The following POLE variants were observed in gnomAD, a reference collection of about 807,000 sequenced individuals.
POLE encodes DNA polymerase epsilon catalytic subunit A.
Under a neutral mutation model 279.2 loss-of-function variants are expected in POLE, and 188 were observed. That is an observed-to-expected ratio of 0.67 (90% CI 0.60 to 0.76). POLE has a LOEUF of 0.76. POLE is among the 30% of genes least tolerant of loss of function. The pLI, the probability that POLE is intolerant of heterozygous loss-of-function variation, is 0.00. For missense variants in POLE, 2,703 were observed against 3,016.7 expected, an observed-to-expected ratio of 0.90 and a Z score of 2.44; for synonymous variants, 1,214 against 1,172.5, an observed-to-expected ratio of 1.04 and a Z score of -0.72.
In POLE at chr12:132,661,446, G is replaced by A. The variant is rs2042678691; in HGVS notation, c.2864+81C>T. 3 of 1,480,596 alleles carry A rather than the reference G, an allele frequency of 2.0e-6. No homozygotes were observed. The East Asian group carries it at 6.8e-5, about 34-fold the overall frequency. 91.7% of individuals were successfully genotyped at this position (1,480,596 alleles called of 1,614,324 possible). On this transcript the variant is annotated intron_variant, in intron 24 of 48. Transcript: ENST00000320574. This position sits in a 1 kb window ranked among gnomAD's most constrained non-coding sequence, Gnocchi z 4.1. ...CAGGTCTGTTTCTATCCTGGCTCCTGATCCAACCTCCTTTCTGGGCTAAAT... is the reference window on the plus strand; with the variant it reads ...CAGGTCTGTTTCTATCCTGGCTCCTAATCCAACCTCCTTTCTGGGCTAAAT...
intron 1 of POLE, among the ~76,000 whole-genome samples, chr12:132,685,671 G>C (rs1007116674): frequency 1.8e-4 from 28 of 152,198 alleles, no homozygotes; most frequent in Non-Finnish European, 3.4e-4. Context: ...CCTGAAGCAG[G>C]GCAGTCAGTA....
chr12:132,680,415 C>T (rs535491332), intron 3 of POLE, 192 bp downstream of exon 3: 2 of 666,220 alleles, frequency 3.0e-6, no homozygotes, highest in South Asian at 3.6e-5. Flanking sequence ...TACTTCTCAC[C>T]ATTCAGAGTC....
chr12:132,674,383 C>T (rs1386450839), intron 12 of POLE, among the ~76,000 whole-genome samples: 2 of 151,744 alleles, frequency 1.3e-5, no homozygotes, highest in African/African-American at 4.9e-5. Flanking sequence ...CCAAGACCCA[C>T]CCGCAACCCA....
intron 21 of POLE, 34 bp downstream of exon 21, chr12:132,665,268 C>T (rs1165455311): frequency 6.2e-7 from 1 of 1,605,524 alleles, no homozygotes; most frequent in African/African-American, 1.3e-5. Flanking sequence ...ATCCATTCCT[C>T]CCATAAGCCT....
chr12:132,634,289 C>T lies in POLE; in HGVS notation c.5901G>A (p.Ala1967=), dbSNP rs200474862. 4.5e-5 allele frequency: 72 copies of T among 1,614,202 alleles called. No homozygotes were observed. Among genetic ancestry groups the T allele is most frequent in the South Asian group, 2.0e-4 (18 of 91,090 alleles). The part of the protein sequence containing the change: ...EERDGEEEEE[A]EESNVEDLLE... ...GTAAATCCTCCACGTTGGATTCCTC[C>T]GCCTCTTCCTCCTCCTCCCCATCTC... Residue 1967 remains alanine (A), a synonymous_variant, in exon 43 of 49, where the codon GCG becomes GCA. Coordinates refer to ENST00000320574, the MANE Select transcript of POLE (RefSeq NM_006231.4). The surrounding 1 kb of genome is among the most constrained non-coding windows in gnomAD (Gnocchi z 4.0).
chr12:132,661,646 C>T lies in POLE; in HGVS notation c.2745G>A (p.Glu915=), dbSNP rs1344300692. The T allele has an allele frequency of 6.2e-7, 1 of 1,614,172 alleles. No homozygotes were observed. Among genetic ancestry groups the T allele is most frequent in the Non-Finnish European group, 8.5e-7 (1 of 1,180,028 alleles). Residue 915 remains glutamate (E), a synonymous_variant, in exon 24 of 49, where the codon GAG becomes GAA. Transcript: ENST00000320574. The surrounding 1 kb of genome is among the most constrained non-coding windows in gnomAD (Gnocchi z 4.1). ...GGGTGACGTAGGTGAGTGAGGACGG[C>T]TCAGCCAGCTCCTGGTACTGGTCAT... ...FTNDQYQELA[E]PSSLTYVTRS... is the part of the protein sequence containing the mutation.
intron 8 of POLE, 102 bp from the exon 9 acceptor site, chr12:132,676,755 G>A (rs1043011535): frequency 4.1e-6 from 3 of 733,210 alleles, no homozygotes; most frequent in Admixed American, 4.3e-5. Context: ...GTTGTTAAAA[G>A]AGTCAAAAGG....
chr12:132,674,202 G>A (rs548290506), intron 12 of POLE, among the ~76,000 whole-genome samples: 1,749 of 106,036 alleles, frequency 0.016, 36 homozygotes, highest in African/African-American at 0.075. Context: ...AAGAAAAGAA[G>A]GCCCCCCACA....
chr12:132,642,143 A>G, intron 38 of POLE, 34 bp downstream of exon 38: 1 of 1,469,640 alleles, frequency 6.8e-7, no homozygotes, highest in South Asian at 1.3e-5. Flanking sequence ...AACACCAGCC[A>G]GGTCTCATGG....
intron 29 of POLE, chr12:132,650,951 C>T (rs1233821826): frequency 6.9e-6 from 1 of 145,664 alleles, no homozygotes; most frequent in Non-Finnish European, 1.5e-5. Flanking sequence ...TCTCATCTCA[C>T]TGCAACCTCG....
intron 26 of POLE, chr12:132,658,334 G>A (rs1319707787): frequency 4.5e-5 from 10 of 221,480 alleles, no homozygotes; most frequent in African/African-American, 2.1e-4. Context: ...ATGTCTACAT[G>A]TTTCTCACGG....
chr12:132,687,310 A>G lies in POLE; in HGVS notation c.6T>C (p.Ser2=), dbSNP rs2136052380. Residue 2 remains serine, a synonymous_variant, in exon 1 of 49, where the codon TCT becomes TCC. Coordinates refer to ENST00000320574, the MANE Select transcript of POLE (RefSeq NM_006231.4). M[S]LRSGGRRRAD... ...CGCGCCGCCGCCCGCCGCTCCTCAG[A>G]GACATGGAGCCGTTGGCTACCACCT... The G allele has an allele frequency of 2.7e-6, 4 of 1,503,018 alleles. No homozygotes were observed. Among genetic ancestry groups the G allele is most frequent in the Non-Finnish European group, 2.7e-6 (3 of 1,125,890 alleles). 93.1% of individuals were successfully genotyped at this position (1,503,018 alleles called of 1,614,324 possible). A position where few individuals can be genotyped will look rare whatever the true frequency, so the allele number is the denominator to read the frequency against.
chr12:132,665,423 C>T lies in POLE; in HGVS notation c.2347G>A (p.Val783Met), dbSNP rs371085002. ...KVWKKKLSAA[V>M]EVGDAAEVKR... ...ACCTCAGCCGCGTCGCCCACCTCCA[C>T]GGCCGCCGAGAGCTTCTTTTTCCAC... The change falls in exon 21 of 49, where the codon GTG becomes ATG. Residue 783 changes from valine (V) to methionine (M), a missense_variant. Val to Met is a conservative substitution (Grantham distance 21). Transcript: ENST00000320574. 1.3e-5 allele frequency: 21 copies of T among 1,612,204 alleles called. No individual in the cohort carries two copies. Among genetic ancestry groups the T allele is most frequent in the South Asian group, 5.5e-5 (5 of 91,086 alleles).
At chr12:132,684,060 G>A (rs1328348251) in intron 1 of POLE, among the ~76,000 whole-genome samples, 1 of 122,340 alleles carries the variant, frequency 8.2e-6, no homozygotes, top group African/African-American at 3.5e-5. Flanking sequence ...GTATCACACC[G>A]TCCCAGTACT....
intron 1 of POLE, among the ~76,000 whole-genome samples, chr12:132,683,690 C>T (rs1455953152): frequency 1.3e-5 from 2 of 152,226 alleles, no homozygotes; most frequent in Admixed American, 6.5e-5. Flanking sequence ...GTGCTATTTA[C>T]GAGGCATCAC....
rs369152225 is a variant in POLE, at chr12:132,680,175, C to T, written c.330+3G>A. The T allele has an allele frequency of 3.8e-5, 62 of 1,613,944 alleles. No individual in the cohort carries two copies. Among genetic ancestry groups the T allele is most frequent in the African/African-American group, 5.3e-5 (4 of 74,928 alleles). Reference sequence around the variant, plus strand: ...CTGACCTGAGTCTATGAAACACACTCACCTTTCTGGTCGCAATGTAGAAAT... The same window carrying T: ...CTGACCTGAGTCTATGAAACACACTTACCTTTCTGGTCGCAATGTAGAAAT... On this transcript the variant is annotated splice_donor_region_variant and intron_variant, in intron 4 of 48. Coordinates refer to ENST00000320574, the MANE Select transcript of POLE (RefSeq NM_006231.4).
intron 16 of POLE, 42 bp downstream of exon 16, chr12:132,672,173 C>A (rs377478135): frequency 7.3e-7 from 1 of 1,372,346 alleles, no homozygotes; most frequent in Non-Finnish European, 1.0e-6. Context: ...GTGAAGAAGG[C>A]GCCAAACACA....
Position 132,632,347 on chromosome 12 carries a change from G to C in POLE, c.6298C>G (p.Pro2100Ala), listed in dbSNP as rs562071800. The change falls in exon 45 of 49, where the codon CCT (proline) becomes GCT (alanine). Residue 2100 changes from proline (P) to alanine (A), a missense_variant. Physicochemically the swap from Pro to Ala is conservative, Grantham distance 27 (BLOSUM62 -1). Around this residue, in one of 5 missense-constraint regions of POLE, gnomAD observed 1,551 missense variants for 1,686.1 expected, o/e 0.92. Coordinates refer to ENST00000320574, the MANE Select transcript of POLE (RefSeq NM_006231.4). ...LPGSHLLLNNPALEFIKYVCK... is the reference protein window; with the variant it reads ...LPGSHLLLNNAALEFIKYVCK... ...ACGTATTTGATGAACTCCAGGGCAG[G>C]GTTATTGAGCAGCAAGTGGGAACCG... 1.9e-6 allele frequency: 3 copies of C among 1,614,060 alleles called. No individual in the cohort carries two copies. The highest frequency in any genetic ancestry group is 2.5e-6 in the Non-Finnish European group (3 of 1,180,014).
In POLE at chr12:132,633,843, C is replaced by CAA. The variant is rs5745010; in HGVS notation, c.6004+341_6004+342dup. ...TTCAGCTACTGAACGTGCACACACACAAATGTTCCCTGGGAATGTATGTGA... is the reference window on the plus strand; with the variant it reads ...TTCAGCTACTGAACGTGCACACACACAAAAATGTTCCCTGGGAATGTATGTGA... On this transcript the variant is annotated intron_variant, in intron 43 of 48. Transcript: ENST00000320574. 1.3e-3 allele frequency: 271 copies of CAA among 212,132 alleles called. 1 individual carries two copies. Among genetic ancestry groups the CAA allele is most frequent in the African/African-American group, 5.9e-3 (258 of 43,806 alleles). The allele number at this position is 212,132 out of a possible 1,614,324, so 13.1% of individuals were successfully genotyped here.
Sources: allele counts gnomAD v4.1 joint callset (sites outside exome capture counted in the v4.1 genomes callset), GRCh38; gene constraint gnomAD v4.1.1; regional missense constraint gnomAD v4.1.1; non-coding constraint Gnocchi (gnomAD v3.1); transcripts MANE v1.5; gene names NCBI Gene and HGNC (gene_info 2026-07-23, HGNC 2026-07-21).